Variants in SAMD11 observed in about 807,000 individuals in gnomAD.
SAMD11 encodes the protein sterile alpha motif domain containing 11, also known as sterile alpha motif domain-containing protein 11.
In SAMD11, 77 loss-of-function variants were observed where a neutral mutation model predicts 64.4. That is an observed-to-expected ratio of 1.20 (90% CI 0.99 to 1.44). SAMD11 has a LOEUF of 1.44. Ranked by LOEUF, SAMD11 falls within the 40% of genes most tolerant of loss-of-function variation. The probability of loss-of-function intolerance (pLI) is 0.00; values close to 1 mark genes in which losing one functional copy is unlikely to be tolerated. For missense variants in SAMD11, 1,402 were observed against 943.3 expected, an observed-to-expected ratio of 1.49 and a Z score of -6.37; for synonymous variants, 658 against 421.9, an observed-to-expected ratio of 1.56 and a Z score of -6.86.
In SAMD11 at chr1:944,051, T is replaced by C. The variant is rs139717535; in HGVS notation, c.2433T>C (p.Tyr811=). The part of the protein sequence containing the change: ...PLSPTTATSP[Y]GGGHALAGQT... ...CCCCCACGACGGCCACGTCCCCCTA[T>C]GGAGGGGGCCACGCCCTTGCCGGTC... is the stretch of plus-strand genomic sequence containing the variant. The change falls in exon 14 of 14, where the codon TAT becomes TAC. Residue 811 remains tyrosine, a synonymous_variant. Transcript: ENST00000616016. 1,230 of 1,612,674 alleles carry C rather than the reference T, an allele frequency of 7.6e-4. 6 individuals are homozygous for C. The African/African-American group carries it at 0.013, about 17-fold the overall frequency.
In SAMD11 at chr1:943,059, G is replaced by A. The variant is rs761522265; in HGVS notation, c.2053+1G>A. On this transcript the variant is annotated splice_donor_variant, in intron 11 of 13. Transcript: ENST00000616016. LOFTEE classifies it high-confidence loss of function. ...GCCGTCAGCCCCTACTTCCACACAG[G>A]TGGGCACCCCCACACTCTAGATCCT... The A allele has an allele frequency of 6.5e-7, 1 of 1,535,548 alleles. No individual in the cohort carries two copies. The highest frequency in any genetic ancestry group is 8.8e-7 in the Non-Finnish European group (1 of 1,142,118).
At chr1:925,353 C>T (rs1481861997) in intron 1 of SAMD11, among the ~76,000 whole-genome samples, 1 of 148,688 alleles carries the variant, frequency 6.7e-6, no homozygotes, top group African/African-American at 2.5e-5. Flanking sequence ...GGCTGCGGGG[C>T]GGCGCGGGGG....
rs756365451 is a variant in SAMD11 at position 939,358 on chromosome 1, G to C, written c.1141G>C (p.Ala381Pro). ...CCGGCTTGTGTCAGCACTGAGCGAG[G>C]CCAGCACCTTTGAGGACCCTCAGCG... is the stretch of plus-strand genomic sequence containing the variant. ...YRRLVSALSE[A>P]STFEDPQRLY... The change falls in exon 7 of 14, where the codon GCC becomes CCC. Residue 381 changes from alanine to proline, a missense_variant. Ala to Pro is a conservative substitution (Grantham distance 27, BLOSUM62 -1). Coordinates refer to ENST00000616016, the MANE Select transcript of SAMD11 (RefSeq NM_001385641.1). The C allele has an allele frequency of 5.6e-6, 9 of 1,611,198 alleles. No individual in the cohort carries two copies. Among genetic ancestry groups the C allele is most frequent in the Non-Finnish European group, 7.6e-6 (9 of 1,179,812 alleles).
intron 7 of SAMD11, among the ~76,000 whole-genome samples, chr1:939,984 C>T (rs112522384): frequency 1.2e-3 from 177 of 152,178 alleles, no homozygotes; most frequent in African/African-American, 4.1e-3. Flanking sequence ...GGGGTCCCTC[C>T]GGGATGCACT....
At position 940,296 on chromosome 1, in the gene SAMD11, G is replaced by GCCCCCCCCCCCCCCCC. The variant is rs552305601; in HGVS notation, c.1196-836_1196-835insCCCCCCCCCCCCCCCC. ...GCGCTGTCAATCAGGCCGCGCCGCC[G>GCCCCCCCCCCCCCCCC]CCCCCCCCCCCCGCCCCGCCGCGGA... On this transcript the variant is annotated intron_variant, in intron 7 of 13. Coordinates refer to ENST00000616016, the MANE Select transcript of SAMD11 (RefSeq NM_001385641.1). The GCCCCCCCCCCCCCCCC allele has an allele frequency of 1.2e-3, 159 of 131,332 alleles. 15 individuals carry two copies. The highest frequency in any genetic ancestry group is 4.0e-3 in the Admixed American group (49 of 12,378). The allele number at this position is 131,332 out of a possible 1,614,324, so 8.1% of individuals were successfully genotyped here. A position where few individuals can be genotyped will look rare whatever the true frequency, so the allele number is the denominator to read the frequency against.
chr1:930,130 C>A (rs1454430551), intron 2 of SAMD11, 25 bp from the exon 3 acceptor site: 1 of 1,546,982 alleles, frequency 6.5e-7, no homozygotes, highest in African/African-American at 1.4e-5. Flanking sequence ...TCCTGCCCCA[C>A]CTTCCTCTCC....
At chr1:938,355 G>A (rs1346888147) in intron 5 of SAMD11, among the ~76,000 whole-genome samples, 8 of 152,142 alleles carry the variant, frequency 5.3e-5, no homozygotes, top group Non-Finnish European at 1.2e-4. Context: ...TCGTGGCTGA[G>A]GAGGTGGGTG....
At chr1:941,688 G>A (rs1050683217) in intron 8 of SAMD11, among the ~76,000 whole-genome samples, 3 of 152,052 alleles carry the variant, frequency 2.0e-5, no homozygotes, top group African/African-American at 7.2e-5. Flanking sequence ...CAAGGCCTCC[G>A]GCACAGACCC....
rs151238352 is a variant in SAMD11 at position 943,346 on chromosome 1, G to A, written c.2147G>A (p.Gly716Glu). The change falls in exon 12 of 14, where the codon GGG (glycine) becomes GAG (glutamate). Residue 716 changes from glycine (G) to glutamate (E), a missense_variant. Transcript: ENST00000616016. ...GTGGATGACGTCTGCAGCTTCGTGG[G>A]GGGCCTGTCTGGCTGTGGAGAGTAC... is the stretch of plus-strand genomic sequence containing the variant. The part of the protein sequence containing the change: ...WTVDDVCSFV[G>E]GLSGCGEYTR... 3.8e-6 allele frequency: 6 copies of A among 1,596,032 alleles called. No homozygotes were observed. The highest frequency in any genetic ancestry group is 1.7e-4 in the Middle Eastern group (1 of 5,926).
At chr1:925,474 T>C (rs57816555) in intron 1 of SAMD11, among the ~76,000 whole-genome samples, 144,024 of 151,894 alleles carry the variant, frequency 0.95, 68,528 homozygotes, top group Non-Finnish European at 0.98. Flanking sequence ...ACACAGGGGG[T>C]GCGGTGAGCG....
At chr1:927,665 G>A (rs923714277) in intron 2 of SAMD11, among the ~76,000 whole-genome samples, 18 of 152,244 alleles carry the variant, frequency 1.2e-4, no homozygotes, top group African/African-American at 4.1e-4. Flanking sequence ...CAGATGCTCC[G>A]GGGCAGAATA....
At position 943,329 on chromosome 1, in the gene SAMD11, C is replaced by G. The variant is rs144453653; in HGVS notation, c.2130C>G (p.Asp710Glu). The change falls in exon 12 of 14, where the codon GAC (aspartate) becomes GAG (glutamate). Residue 710 changes from aspartate (D) to glutamate (E), a missense_variant. Asp to Glu is a conservative substitution (Grantham distance 45). Coordinates refer to ENST00000616016, the MANE Select transcript of SAMD11 (RefSeq NM_001385641.1). Reference sequence around the variant, plus strand: ...ACGTCACCAAGTGGACCGTGGATGACGTCTGCAGCTTCGTGGGGGGCCTGT... The same window carrying G: ...ACGTCACCAAGTGGACCGTGGATGAGGTCTGCAGCTTCGTGGGGGGCCTGT... ...PEDVTKWTVD[D>E]VCSFVGGLSG... 3 of 1,607,318 alleles carry G rather than the reference C, an allele frequency of 1.9e-6. No individual in the cohort carries two copies. Among genetic ancestry groups the G allele is most frequent in the Non-Finnish European group, 2.5e-6 (3 of 1,176,884 alleles).
chr1:928,588 G>A (rs181869378), intron 2 of SAMD11, among the ~76,000 whole-genome samples: 17 of 152,352 alleles, frequency 1.1e-4, no homozygotes, highest in African/African-American at 3.4e-4. Flanking sequence ...TCATACCTTC[G>A]GCCTTGGCCG....
At chr1:931,135 T>TTCCCCC in intron 4 of SAMD11, 46 bp downstream of exon 4, 2 of 1,445,494 alleles carry the variant, frequency 1.4e-6, no homozygotes, top group Non-Finnish European at 9.5e-7. Context: ...GTGACTCCCC[T>TTCCCCC]CCCTCCCTCC....
intron 2 of SAMD11, 123 bp downstream of exon 2, chr1:926,136 C>T (rs990828965): frequency 1.1e-6 from 1 of 916,990 alleles, no homozygotes; most frequent in South Asian, 1.4e-5. Context: ...CTGGAGGGAG[C>T]CTCCGAAGGG....
At chr1:943,185 C>CGACG in intron 11 of SAMD11, 68 bp from the exon 12 acceptor site, 1 of 1,605,624 alleles carries the variant, frequency 6.2e-7, no homozygotes, top group South Asian at 1.1e-5. Flanking sequence ...TTGGGGCACA[C>CGACG]GACGGTCAGG....
At position 944,348 on chromosome 1, in the gene SAMD11, G is replaced by C. The variant is rs1642018651; in HGVS notation, c.*195G>C. 7.3e-7 allele frequency: 1 copy of C among 1,371,420 alleles called. No homozygotes were observed. The highest frequency in any genetic ancestry group is 3.5e-5 in the Admixed American group (1 of 28,320). The allele number at this position is 1,371,420 out of a possible 1,614,324, so 85.0% of individuals were successfully genotyped here. ...GTGAAGGCAGAGCCTGGTGCAGATG[G>C]ACGAGGTCTGCAGACGGAGGGCAGA... On this transcript the variant is annotated 3_prime_UTR_variant, in exon 14 of 14. Coordinates refer to ENST00000616016, the MANE Select transcript of SAMD11 (RefSeq NM_001385641.1).
chr1:935,981 G>C, intron 5 of SAMD11, 85 bp downstream of exon 5: 2 of 1,439,162 alleles, frequency 1.4e-6, no homozygotes, highest in South Asian at 1.2e-5. Context: ...CAGCAGCCTT[G>C]GCAGGCAGCC....
rs1569909030 is a variant in SAMD11, at chr1:941,251, C to G, written c.1303C>G (p.Leu435Val). 3.1e-6 allele frequency: 5 copies of G among 1,602,814 alleles called. No homozygotes were observed. Among genetic ancestry groups the G allele is most frequent in the Non-Finnish European group, 4.3e-6 (5 of 1,175,586 alleles). Residue 435 changes from leucine to valine, a missense_variant, in exon 8 of 14, where the codon CTG (leucine) becomes GTG (valine). Physicochemically the swap from Leu to Val is conservative, Grantham distance 32 (BLOSUM62 1). Transcript: ENST00000616016. ...GGCAGGTCAGCGTCGGAAGCAGGGC[C>G]TGGCTCAGCACCGGGAGGGCGCCGC... The part of the protein sequence containing the change: ...STAGQRRKQG[L>V]AQHREGAAPA...
Sources: gnomAD v4.1 joint callset for allele counts (sites outside exome capture counted in the v4.1 genomes callset) on GRCh38, gnomAD v4.1.1 for gene constraint, MANE v1.5 for transcripts, NCBI Gene and HGNC (gene_info 2026-07-23, HGNC 2026-07-21) for gene names.